CD164: variants seen among roughly 807,000 people sequenced by gnomAD.
The protein encoded by CD164 is CD164 molecule.
Under a neutral mutation model 24.6 loss-of-function variants are expected in CD164, and 11 were observed. The observed-to-expected ratio is 0.45, with a 90% CI of 0.28 to 0.74. The LOEUF (loss-of-function observed/expected upper bound fraction) is 0.74. Ranked by LOEUF, CD164 falls within the 30% of genes least tolerant of loss-of-function variation. CD164 has a pLI of 0.13. For missense variants in CD164, 295 were observed against 243.7 expected, an observed-to-expected ratio of 1.21 and a Z score of -1.40; for synonymous variants, 126 against 100.3, an observed-to-expected ratio of 1.26 and a Z score of -1.53.
Position 109,368,444 on chromosome 6 carries a change from T to A in CD164, c.*407A>T, listed in dbSNP as rs575312893. On this transcript the variant is annotated 3_prime_UTR_variant, in exon 6 of 6. Coordinates refer to ENST00000310786, the MANE Select transcript of CD164 (RefSeq NM_006016.6). ...AAATGACAGCCAAAAATCCACCTAA[T>A]TGATTCTCATTTGGCACGTTCTTCT... 5.0e-6 allele frequency: 7 copies of A among 1,397,952 alleles called. No individual in the cohort carries two copies. Among genetic ancestry groups the A allele is most frequent in the Non-Finnish European group, 6.5e-6 (7 of 1,080,136 alleles). 86.6% of individuals were successfully genotyped at this position (1,397,952 alleles called of 1,614,324 possible). A position where few individuals can be genotyped will look rare whatever the true frequency, so the allele number is the denominator to read the frequency against.
rs1028654227 is a variant in CD164 at position 109,371,761 on chromosome 6, A to C, written c.371-1294T>G. On this transcript the variant is annotated intron_variant, in intron 4 of 5. Transcript: ENST00000310786. Reference sequence around the variant, plus strand: ...AAGGGTAGGGTTCAAATTTTTGGAAAGTGCACTATAGGAGTCACTAGCTAA... The same window carrying C: ...AAGGGTAGGGTTCAAATTTTTGGAACGTGCACTATAGGAGTCACTAGCTAA... 6 of 153,744 alleles carry C rather than the reference A, an allele frequency of 3.9e-5. No homozygotes were observed. In the Admixed American group the frequency reaches 3.9e-4, roughly 10 times the overall value. The allele number at this position is 153,744 out of a possible 1,614,324, so 9.5% of individuals were successfully genotyped here.
intron 1 of CD164, chr6:109,380,569 T>TA (rs1022564579): frequency 6.6e-6 from 1 of 152,238 alleles, no homozygotes; most frequent in Admixed American, 6.5e-5. Context: ...GAAGGGTTCA[T>TA]AAAGTAAAAA....
chr6:109,381,049 T>G (rs1437866793), intron 1 of CD164, among the ~76,000 whole-genome samples: 2 of 152,222 alleles, frequency 1.3e-5, no homozygotes, highest in Non-Finnish European at 2.9e-5. Flanking sequence ...ATGAATGCCG[T>G]GATAAAAATC....
intron 4 of CD164, among the ~76,000 whole-genome samples, chr6:109,375,617 C>CAAAAAAAAAAAAAAAAAAAA (rs58138405): frequency 7.2e-4 from 51 of 71,290 alleles, no homozygotes; most frequent in African/African-American, 1.4e-3. Context: ...ACTTCGCTTC[C>CAAAAAAAAAAAAAAAAAAAA]AAAAAAAAAA....
intron 1 of CD164, chr6:109,381,450 G>A (rs568919837): frequency 1.4e-6 from 1 of 699,516 alleles, no homozygotes; most frequent in Admixed American, 2.0e-5. Flanking sequence ...TACAATGTCA[G>A]GAGAGTTTAC....
At chr6:109,378,896 A>AG (rs1400909683) in intron 2 of CD164, among the ~76,000 whole-genome samples, 1 of 151,916 alleles carries the variant, frequency 6.6e-6, no homozygotes, top group Non-Finnish European at 1.5e-5. Flanking sequence ...CTTAAAAAAA[A>AG]AACCGCCAAA....
chr6:109,375,320 A>G (rs964220417), intron 4 of CD164, among the ~76,000 whole-genome samples: 3 of 152,174 alleles, frequency 2.0e-5, no homozygotes, highest in Admixed American at 2.0e-4. Flanking sequence ...TGCTTACATT[A>G]AGAGAGAAAA....
intron 1 of CD164, among the ~76,000 whole-genome samples, chr6:109,381,351 C>A (rs895849063): frequency 6.6e-6 from 1 of 152,324 alleles, no homozygotes; most frequent in Admixed American, 6.5e-5. Context: ...TGGGCACAAA[C>A]CCCCGTTCCA....
At chr6:109,374,084 A>G (rs1337770746) in intron 4 of CD164, among the ~76,000 whole-genome samples, 1 of 151,914 alleles carries the variant, frequency 6.6e-6, no homozygotes, top group Non-Finnish European at 1.5e-5. Context: ...CTTTTTTACT[A>G]CCCTACCCCC....
At chr6:109,379,919 TCAC>T in intron 1 of CD164, 2 of 300,984 alleles carry the variant, frequency 6.6e-6, no homozygotes, top group East Asian at 1.3e-4. Flanking sequence ...CAATCCTTTT[TCAC>T]AGGACAACTA....
chr6:109,379,684 T>G (rs776735469), intron 1 of CD164, 22 bp from the exon 2 acceptor site: 1 of 1,566,420 alleles, frequency 6.4e-7, no homozygotes, highest in Non-Finnish European at 8.8e-7. Flanking sequence ...GGGGGAGAGA[T>G]GCATGAAATC....
intron 1 of CD164, chr6:109,381,931 TA>T (rs1771775114): frequency 2.5e-6 from 1 of 397,644 alleles, no homozygotes; most frequent in Non-Finnish European, 4.5e-6. Flanking sequence ...GATGCACTTT[TA>T]AAAGGCACCT....
At chr6:109,369,390 T>A (rs1013116591) in intron 5 of CD164, among the ~76,000 whole-genome samples, 2 of 152,218 alleles carry the variant, frequency 1.3e-5, no homozygotes, top group Non-Finnish European at 2.9e-5. Context: ...TTCACATGAC[T>A]TTTGAATTTA....
At position 109,369,027 on chromosome 6, in the gene CD164, A is replaced by G. The variant is rs1290901793; in HGVS notation, c.428-10T>C. The G allele has an allele frequency of 1.2e-6, 2 of 1,600,696 alleles. No individual in the cohort carries two copies. Among genetic ancestry groups the G allele is most frequent in the East Asian group, 2.2e-5 (1 of 44,612 alleles). Reference sequence around the variant, plus strand: ...GTGTTATTTGTTGTACCTGTTAGATAAGACAAAAGAAACAACAATCCTAAG... The same window carrying G: ...GTGTTATTTGTTGTACCTGTTAGATGAGACAAAAGAAACAACAATCCTAAG... On this transcript the variant is annotated splice_polypyrimidine_tract_variant and intron_variant, in intron 5 of 5. Coordinates refer to ENST00000310786, the MANE Select transcript of CD164 (RefSeq NM_006016.6).
intron 1 of CD164, 51 bp downstream of exon 1, chr6:109,382,153 G>GCGGCT (rs1188041585): frequency 2.6e-5 from 36 of 1,408,852 alleles, no homozygotes; most frequent in Non-Finnish European, 3.3e-5. Context: ...AGGAGGCAGT[G>GCGGCT]CGGCTCGGCT....
chr6:109,382,465 A>C lies in CD164; in HGVS notation c.-87T>G. ...AATCCCCTGCGGCGCCGCCTCCGAG[A>C]CTACGCTCCCCCGCGGGAGCGCGCA... On this transcript the variant is annotated 5_prime_UTR_variant, in exon 1 of 6. Coordinates refer to ENST00000310786, the MANE Select transcript of CD164 (RefSeq NM_006016.6). 2.3e-6 allele frequency: 3 copies of C among 1,306,888 alleles called. No homozygotes were observed. The highest frequency in any genetic ancestry group is 3.0e-6 in the Non-Finnish European group (3 of 999,650). The allele number at this position is 1,306,888 out of a possible 1,614,324, so 81.0% of individuals were successfully genotyped here.
In CD164 at chr6:109,379,649, A is replaced by C; in HGVS notation, c.189T>G (p.Gly63=). 6.2e-7 allele frequency: 1 copy of C among 1,613,242 alleles called. No homozygotes were observed. The highest frequency in any genetic ancestry group is 8.5e-7 in the Non-Finnish European group (1 of 1,179,698). Residue 63 remains glycine, a synonymous_variant, in exon 2 of 6, where the codon GGT becomes GGG. Coordinates refer to ENST00000310786, the MANE Select transcript of CD164 (RefSeq NM_006016.6). ...TAAAACAGGAAACGCAGCTGTTTCG[A>C]CCTTCACAGGTTTCTGGGGAGTTGG... ...VTTPAPETCE[G]RNSCVSCFNV...
At position 109,367,368 on chromosome 6, in the gene CD164, T is replaced by C. The variant is rs892798634; in HGVS notation, c.*1483A>G. The C allele has an allele frequency of 3.9e-5, 6 of 152,466 alleles. No individual in the cohort carries two copies. Among genetic ancestry groups the C allele is most frequent in the Admixed American group, 6.6e-5 (1 of 15,266 alleles). 9.4% of individuals were successfully genotyped at this position (152,466 alleles called of 1,614,324 possible). A position where few individuals can be genotyped will look rare whatever the true frequency, so the allele number is the denominator to read the frequency against. Reference sequence around the variant, plus strand: ...GTTTGTCATTTCTTACTATAAAATATTGAAAATCAAGTGCGAAACTCAGCC... The same window carrying C: ...GTTTGTCATTTCTTACTATAAAATACTGAAAATCAAGTGCGAAACTCAGCC... On this transcript the variant is annotated 3_prime_UTR_variant, in exon 6 of 6. Transcript: ENST00000310786.
At chr6:109,378,676 C>G (rs941077007) in intron 2 of CD164, among the ~76,000 whole-genome samples, 1 of 151,962 alleles carries the variant, frequency 6.6e-6, no homozygotes, top group Non-Finnish European at 1.5e-5. Flanking sequence ...CAAAATTCAC[C>G]AACTCTTACA....
Sources: allele counts gnomAD v4.1 joint callset (sites outside exome capture counted in the v4.1 genomes callset), GRCh38; gene constraint gnomAD v4.1.1; transcripts MANE v1.5; gene names NCBI Gene and HGNC (gene_info 2026-07-23, HGNC 2026-07-21).